Variants in POLQ observed in about 807,000 individuals in gnomAD.
POLQ encodes the protein epididymis secretory sperm binding protein.
POLQ carries 233 observed loss-of-function variants against 259.2 expected under a neutral mutation model. That is an observed-to-expected ratio of 0.90 (90% CI 0.81 to 1.00). The LOEUF is 1.00. Ranked by LOEUF, POLQ falls within the 50% of genes least tolerant of loss-of-function variation. The pLI is 0.00. For missense variants in POLQ, 2,871 were observed against 3,051.6 expected, an observed-to-expected ratio of 0.94 and a Z score of 1.39; for synonymous variants, 1,025 against 1,048.8, an observed-to-expected ratio of 0.98 and a Z score of 0.44.
chr3:121,474,400 G>A (rs1001721724), intron 20 of POLQ, among the ~76,000 whole-genome samples: 1 of 152,178 alleles, frequency 6.6e-6, no homozygotes, highest in African/African-American at 2.4e-5. Context: ...GGAGGTGGAA[G>A]ACCCCATGTA....
intron 15 of POLQ, among the ~76,000 whole-genome samples, chr3:121,491,416 A>G (rs183373910): frequency 6.6e-6 from 1 of 152,046 alleles, no homozygotes; most frequent in East Asian, 1.9e-4. Flanking sequence ...AATACACAAT[A>G]TAAACTCTGG....
intron 25 of POLQ, among the ~76,000 whole-genome samples, chr3:121,455,202 A>G (rs1440865799): frequency 2.0e-5 from 3 of 148,400 alleles, no homozygotes; most frequent in Non-Finnish European, 3.0e-5. Flanking sequence ...AAGACACAAC[A>G]TACCAGAATC....
At chr3:121,502,657 A>G (rs190941125) in intron 12 of POLQ, among the ~76,000 whole-genome samples, 2 of 151,932 alleles carry the variant, frequency 1.3e-5, no homozygotes, top group African/African-American at 2.4e-5. Context: ...ATAAATGAAG[A>G]AAAAAAACAC....
chr3:121,474,009 G>A (rs2047906089), intron 20 of POLQ, among the ~76,000 whole-genome samples: 1 of 152,192 alleles, frequency 6.6e-6, no homozygotes. Context: ...TTATCGGCAT[G>A]AGCCACCACA....
intron 7 of POLQ, among the ~76,000 whole-genome samples, chr3:121,527,378 G>T (rs1445440378): frequency 6.6e-6 from 1 of 151,992 alleles, no homozygotes; most frequent in Non-Finnish European, 1.5e-5. Flanking sequence ...TTTAACTTTT[G>T]TAGAGATAAG....
At chr3:121,520,571 C>G (rs1222785294) in intron 8 of POLQ, among the ~76,000 whole-genome samples, 1 of 152,088 alleles carries the variant, frequency 6.6e-6, no homozygotes, top group Admixed American at 6.5e-5. Flanking sequence ...TCTGCTGCCT[C>G]TAGTATACCT....
intron 24 of POLQ, among the ~76,000 whole-genome samples, chr3:121,460,690 C>T (rs2047784503): frequency 6.6e-6 from 1 of 152,032 alleles, no homozygotes; most frequent in African/African-American, 2.4e-5. Context: ...AACTGGTGTC[C>T]AATGTGTGCA....
intron 7 of POLQ, among the ~76,000 whole-genome samples, chr3:121,522,814 G>A (rs1473188968): frequency 1.3e-5 from 2 of 152,046 alleles, no homozygotes; most frequent in African/African-American, 2.4e-5. Context: ...AGAGTATTAC[G>A]GATACTGATT....
chr3:121,463,425 T>C (rs372395230), intron 24 of POLQ, among the ~76,000 whole-genome samples: 1 of 152,194 alleles, frequency 6.6e-6, no homozygotes, highest in South Asian at 2.1e-4. Context: ...TAGGTCTTTA[T>C]TAGCAGCATG....
intron 15 of POLQ, among the ~76,000 whole-genome samples, chr3:121,491,502 A>C (rs893028384): frequency 1.3e-5 from 2 of 152,144 alleles, no homozygotes; most frequent in Non-Finnish European, 2.9e-5. Flanking sequence ...TGGAAGAAAG[A>C]AAATGGCAGT....
intron 2 of POLQ, among the ~76,000 whole-genome samples, chr3:121,542,851 C>T (rs910849900): frequency 9.2e-5 from 14 of 151,862 alleles, no homozygotes; most frequent in Non-Finnish European, 1.8e-4. Flanking sequence ...GGCGTGGTGG[C>T]GGGCGCCTGT....
intron 7 of POLQ, among the ~76,000 whole-genome samples, chr3:121,523,895 T>A (rs537955423): frequency 2.2e-4 from 34 of 152,300 alleles, no homozygotes; most frequent in African/African-American, 7.7e-4. Context: ...GAGTTGCCAA[T>A]GTTTTATTTT....
intron 19 of POLQ, among the ~76,000 whole-genome samples, chr3:121,480,964 C>T (rs919890697): frequency 6.6e-6 from 1 of 152,142 alleles, no homozygotes; most frequent in Non-Finnish European, 1.5e-5. Flanking sequence ...CACATCTCTA[C>T]CATAAGCATC....
chr3:121,530,469 G>C (rs7645050), intron 6 of POLQ, among the ~76,000 whole-genome samples: 99,552 of 151,972 alleles, frequency 0.66, 32,834 homozygotes, highest in East Asian at 0.89. Flanking sequence ...CGAAGAGCAT[G>C]TGTACTAAAT....
At position 121,489,812 on chromosome 3, in the gene POLQ, C is replaced by A. The variant is rs369987105; in HGVS notation, c.3119G>T (p.Arg1040Leu). The A allele has an allele frequency of 6.2e-7, 1 of 1,612,958 alleles. No homozygotes were observed. Among genetic ancestry groups the A allele is most frequent in the East Asian group, 2.2e-5 (1 of 44,868 alleles). The change falls in exon 16 of 30, where the codon CGA becomes CTA. Residue 1040 changes from arginine (R) to leucine (L), a missense_variant. By Grantham distance (102) the Arg-to-Leu change is moderately radical (BLOSUM62 -2). Coordinates refer to ENST00000264233, the MANE Select transcript of POLQ (RefSeq NM_199420.4). ...TAGATGCTTTCTACGTTTCCAAGATCGAAAACTTCTGCTCATCTTTTCTGA... is the reference window on the plus strand; with the variant it reads ...TAGATGCTTTCTACGTTTCCAAGATAGAAAACTTCTGCTCATCTTTTCTGA... ...FNSEKMSRSF[R>L]SWKRRKHLKR...
intron 7 of POLQ, among the ~76,000 whole-genome samples, chr3:121,527,637 C>T (rs189793357): frequency 2.4e-4 from 36 of 152,302 alleles, no homozygotes; most frequent in Non-Finnish European, 4.3e-4. Flanking sequence ...TACTTAAGCT[C>T]GATGCATTTA....
chr3:121,518,229 A>T (rs187922314), intron 9 of POLQ, among the ~76,000 whole-genome samples: 7 of 152,340 alleles, frequency 4.6e-5, no homozygotes, highest in Non-Finnish European at 8.8e-5. Flanking sequence ...AAGAAAACTT[A>T]TCACATATTT....
At position 121,476,631 on chromosome 3, in the gene POLQ, A is replaced by T; in HGVS notation, c.6314T>A (p.Ile2105Lys). 1.2e-6 allele frequency: 2 copies of T among 1,613,882 alleles called. No homozygotes were observed. The highest frequency in any genetic ancestry group is 1.7e-6 in the Non-Finnish European group (2 of 1,179,806). Reference sequence around the variant, plus strand: ...AATTGCATCCAGCTTGGCTTGCATTATATGTTTCTGACTTTCACATTCTGC... The same window carrying T: ...AATTGCATCCAGCTTGGCTTGCATTTTATGTTTCTGACTTTCACATTCTGC... ...STAECESQKH[I>K]MQAKLDAIET... Residue 2105 changes from isoleucine (I) to lysine (K), a missense_variant, in exon 20 of 30, where the codon ATA (isoleucine) becomes AAA (lysine). Around this residue, in one of 3 missense-constraint regions of POLQ, gnomAD observed 2,080 missense variants for 2,126.0 expected, o/e 0.98. Transcript: ENST00000264233.
chr3:121,434,473 C>G (rs1169535447), intron 28 of POLQ, among the ~76,000 whole-genome samples: 2 of 152,108 alleles, frequency 1.3e-5, no homozygotes, highest in African/African-American at 4.8e-5. Context: ...TCTAAATCCC[C>G]AAAGCACACA....
Sources: allele counts gnomAD v4.1 joint callset (sites outside exome capture counted in the v4.1 genomes callset), GRCh38; gene constraint gnomAD v4.1.1; regional missense constraint gnomAD v4.1.1; transcripts MANE v1.5; gene names NCBI Gene and HGNC (gene_info 2026-07-23, HGNC 2026-07-21).